Variants in SNTG1 observed in about 807,000 individuals in gnomAD.
The protein encoded by SNTG1 is syntrophin gamma 1.
SNTG1 carries 39 observed loss-of-function variants against 74.7 expected under a neutral mutation model. The ratio of observed to expected loss-of-function variants is 0.52; its 90% CI spans 0.40 to 0.68. The LOEUF is 0.68. Ranked by LOEUF, SNTG1 falls within the 30% of genes least tolerant of loss-of-function variation. SNTG1 has a pLI of 0.00. For missense variants in SNTG1, 685 were observed against 609.5 expected (o/e 1.12, Z -1.30); for synonymous variants, 254 against 217.1 (o/e 1.17, Z -1.49).
chr8:50,679,222 T>C (rs1344540226), intron 15 of SNTG1, among the ~76,000 whole-genome samples: 2 of 152,126 alleles, frequency 1.3e-5, no homozygotes, highest in Non-Finnish European at 2.9e-5. Context: ...TATACTTCAG[T>C]TATTCATTAT....
At chr8:50,763,880 CACACACACACACACACACACACACACAA>C (rs981336042) in intron 18 of SNTG1, among the ~76,000 whole-genome samples, 2 of 140,894 alleles carry the variant, frequency 1.4e-5, no homozygotes, top group African/African-American at 5.6e-5. Flanking sequence ...CACACACACA[CACACACACACACACACACACACACACAA>C]AAATAACCAA....
intron 1 of SNTG1, among the ~76,000 whole-genome samples, chr8:49,999,997 G>A (rs1384575944): frequency 6.6e-6 from 1 of 152,072 alleles, no homozygotes; most frequent in African/African-American, 2.4e-5. Flanking sequence ...ATTGTATCTG[G>A]TATTGACTTG....
intron 16 of SNTG1, 105 bp from the exon 17 acceptor site, chr8:50,708,781 A>G (rs2095452827): frequency 4.7e-6 from 3 of 632,382 alleles, no homozygotes; most frequent in Non-Finnish European, 8.3e-6. Flanking sequence ...TTAATATTAA[A>G]TTAGATATTG....
At chr8:49,976,138 C>A (rs891915575) in intron 1 of SNTG1, among the ~76,000 whole-genome samples, 1 of 152,118 alleles carries the variant, frequency 6.6e-6, no homozygotes, top group Non-Finnish European at 1.5e-5. Flanking sequence ...TCCAGAGGTA[C>A]CTTGCAATCA....
chr8:50,241,629 G>A (rs538197323), intron 2 of SNTG1, among the ~76,000 whole-genome samples: 2 of 152,122 alleles, frequency 1.3e-5, no homozygotes, highest in Non-Finnish European at 2.9e-5. Context: ...TTAGGTTTAC[G>A]TGAACAGACT....
chr8:50,567,022 A>G (rs1265504520), intron 12 of SNTG1, among the ~76,000 whole-genome samples: 6 of 152,066 alleles, frequency 3.9e-5, no homozygotes, highest in Admixed American at 3.9e-4. Context: ...GGCAGCCTCT[A>G]TTTGTTTATT....
intron 2 of SNTG1, among the ~76,000 whole-genome samples, chr8:50,219,401 T>C (rs1183340891): frequency 6.6e-6 from 1 of 152,136 alleles, no homozygotes; most frequent in South Asian, 2.1e-4. Context: ...TGTGAGCAAA[T>C]TTTAGAAGAA....
At position 50,536,792 on chromosome 8, in the gene SNTG1, G is replaced by A. The variant is rs147200097; in HGVS notation, c.664G>A (p.Gly222Ser). 3,327 of 1,613,864 alleles carry A rather than the reference G, an allele frequency of 2.1e-3. 5 individuals are homozygous for A. The highest frequency in any genetic ancestry group is 2.6e-3 in the Non-Finnish European group (3,074 of 1,179,820). The change falls in exon 11 of 19, where the codon GGC becomes AGC. Residue 222 changes from glycine (G) to serine (S), a missense_variant. Physicochemically the swap from Gly to Ser is moderately conservative, Grantham distance 56. Coordinates refer to ENST00000642720, the MANE Select transcript of SNTG1 (RefSeq NM_018967.5). ...LHSRFSQYVP[G>S]TDLSRQNAFQ... ...TTCGCGCTTCTCTCAGTATGTGCCC[G>A]GCACAGATTTGAGTCGGTGAGTCCG...
intron 2 of SNTG1, among the ~76,000 whole-genome samples, chr8:50,314,729 C>G (rs116748327): frequency 0.063 from 9,433 of 149,978 alleles, 653 homozygotes; most frequent in South Asian, 0.091. Context: ...TACCCCATGT[C>G]GAAATGTAAA....
At chr8:49,970,705 G>T (rs183393570) in intron 1 of SNTG1, among the ~76,000 whole-genome samples, 1 of 152,140 alleles carries the variant, frequency 6.6e-6, no homozygotes, top group South Asian at 2.1e-4. Flanking sequence ...ACATTCTGTC[G>T]TCCTAAATTC....
chr8:50,510,185 G>C (rs1167579329), intron 9 of SNTG1, among the ~76,000 whole-genome samples: 2 of 152,102 alleles, frequency 1.3e-5, no homozygotes, highest in African/African-American at 4.8e-5. Flanking sequence ...TATGGTTTTT[G>C]TTGTTGGTTC....
chr8:50,783,842 T>C (rs2095667248), intron 18 of SNTG1, among the ~76,000 whole-genome samples: 1 of 152,238 alleles, frequency 6.6e-6, no homozygotes, highest in African/African-American at 2.4e-5. Context: ...CCATCTTGGC[T>C]CCAGAACTTC....
intron 2 of SNTG1, among the ~76,000 whole-genome samples, chr8:50,244,394 G>A (rs1014681240): frequency 1.3e-5 from 2 of 151,998 alleles, no homozygotes; most frequent in Non-Finnish European, 2.9e-5. Flanking sequence ...GTGTCAACAG[G>A]CTCAAAGTAT....
chr8:50,674,354 C>T (rs1469602717), intron 15 of SNTG1, among the ~76,000 whole-genome samples: 1 of 152,028 alleles, frequency 6.6e-6, no homozygotes, highest in Non-Finnish European at 1.5e-5. Flanking sequence ...AATTTCAGAA[C>T]TTGTTATTGG....
At chr8:49,928,771 A>C (rs145363474) in intron 1 of SNTG1, among the ~76,000 whole-genome samples, 1 of 152,110 alleles carries the variant, frequency 6.6e-6, no homozygotes, top group East Asian at 1.9e-4. Flanking sequence ...AAAAAAAATA[A>C]TATTTTTTAA....
At chr8:50,739,672 A>G (rs1407018514) in intron 17 of SNTG1, among the ~76,000 whole-genome samples, 2 of 151,730 alleles carry the variant, frequency 1.3e-5, no homozygotes, top group Non-Finnish European at 2.9e-5. Context: ...CAGAACTTAA[A>G]GTATAATAAA....
chr8:50,295,578 A>G (rs879784847), intron 2 of SNTG1, among the ~76,000 whole-genome samples: 5 of 152,170 alleles, frequency 3.3e-5, no homozygotes, highest in Non-Finnish European at 7.3e-5. Context: ...TGCATTGTCA[A>G]GTCATAGTTT....
intron 13 of SNTG1, among the ~76,000 whole-genome samples, chr8:50,655,683 T>C (rs1327958617): frequency 6.6e-6 from 1 of 152,186 alleles, no homozygotes; most frequent in Non-Finnish European, 1.5e-5. Context: ...GTAAACATAA[T>C]TAATGGAAAG....
chr8:50,713,823 G>C (rs1005258964), intron 17 of SNTG1, among the ~76,000 whole-genome samples: 5 of 152,182 alleles, frequency 3.3e-5, no homozygotes, highest in African/African-American at 1.2e-4. Flanking sequence ...ACTTTGGAAG[G>C]CCAGGGCGGG....
Sources: allele counts gnomAD v4.1 joint callset (sites outside exome capture counted in the v4.1 genomes callset), GRCh38; gene constraint gnomAD v4.1.1; transcripts MANE v1.5; gene names NCBI Gene and HGNC (gene_info 2026-07-23, HGNC 2026-07-21).